Variants in HDAC9 observed in about 807,000 individuals in gnomAD.
HDAC9 encodes MEF-2 interacting transcription repressor (MITR) protein.
HDAC9 carries 41 observed loss-of-function variants against 139.4 expected under a neutral mutation model. The observed-to-expected ratio is 0.29, with a 90% CI of 0.23 to 0.38. The LOEUF is 0.38. HDAC9 is among the 10% of genes least tolerant of loss of function. The pLI is 1.00. For synonymous variants in HDAC9, 517 were observed against 476.2 expected (o/e 1.09, Z -1.12); for missense variants, 1,147 against 1,297.0 (o/e 0.88, Z 1.78).
intron 2 of HDAC9, among the ~76,000 whole-genome samples, chr7:18,207,679 C>G (rs1791635533): frequency 6.6e-6 from 1 of 151,428 alleles, no homozygotes; most frequent in African/African-American, 2.4e-5. Context: ...TACATACTGT[C>G]TCTCATAATT....
chr7:18,403,406 T>C (rs1340873188), intron 1 of HDAC9, among the ~76,000 whole-genome samples: 4 of 152,194 alleles, frequency 2.6e-5, no homozygotes, highest in Non-Finnish European at 5.9e-5. Flanking sequence ...TTTCTTTCCA[T>C]GTACTTCCAT....
chr7:18,836,119 A>G (rs538763551), intron 21 of HDAC9, 122 bp downstream of exon 21: 143 of 578,010 alleles, frequency 2.5e-4, no homozygotes, highest in Non-Finnish European at 3.5e-4. Flanking sequence ...AAAGCCACAT[A>G]AGAATATGTA....
Position 18,425,249 on chromosome 7 carries a change from A to G in HDAC9, c.-41-71013A>G, listed in dbSNP as rs1028698114. On this transcript the variant is annotated intron_variant, in intron 1 of 3. Transcript: ENST00000413509. ...CAAAATTATCATTAACAAAATTATT[A>G]TCGCAGACAATTTCATCCAAGTAGA... 7.9e-5 allele frequency among the ~76,000 whole-genome samples: 12 copies of G among 152,324 alleles called. No individual in the cohort carries two copies. The East Asian group carries it at 2.1e-3, about 27-fold the overall frequency.
chr7:18,765,878 A>G (rs542473920), intron 15 of HDAC9, among the ~76,000 whole-genome samples: 25 of 152,152 alleles, frequency 1.6e-4, no homozygotes, highest in African/African-American at 5.8e-4. Context: ...AATTCTATTG[A>G]CTTCTCATCT....
At chr7:18,300,162 T>G (rs1043313342) in intron 1 of HDAC9, among the ~76,000 whole-genome samples, 1 of 152,056 alleles carries the variant, frequency 6.6e-6, no homozygotes, top group Admixed American at 6.5e-5. Flanking sequence ...TTGTAAACTT[T>G]CCTAAAACAT....
intron 22 of HDAC9, among the ~76,000 whole-genome samples, chr7:18,905,648 T>C (rs1754113254): frequency 6.6e-6 from 1 of 152,228 alleles, no homozygotes; most frequent in African/African-American, 2.4e-5. Context: ...TGCAAGTTTT[T>C]GTGTATGAAA....
At chr7:18,968,220 C>A (rs1316173488) in intron 24 of HDAC9, among the ~76,000 whole-genome samples, 1 of 152,170 alleles carries the variant, frequency 6.6e-6, no homozygotes, top group Non-Finnish European at 1.5e-5. Context: ...TCTCTCTTAG[C>A]TTCCCCTTAT....
chr7:18,292,735 T>C (rs1338651685), intron 1 of HDAC9, among the ~76,000 whole-genome samples: 1 of 152,162 alleles, frequency 6.6e-6, no homozygotes, highest in Non-Finnish European at 1.5e-5. Flanking sequence ...TTTGAGAACA[T>C]GGAGTGCTGT....
At chr7:18,691,786 A>G (rs1325679241) in intron 12 of HDAC9, among the ~76,000 whole-genome samples, 1 of 152,100 alleles carries the variant, frequency 6.6e-6, no homozygotes, top group Non-Finnish European at 1.5e-5. Context: ...TCAAGCTAAC[A>G]TAGACTGCAG....
intron 2 of HDAC9, among the ~76,000 whole-genome samples, chr7:18,180,400 A>T (rs1381564345): frequency 6.6e-6 from 1 of 151,166 alleles, no homozygotes; most frequent in Non-Finnish European, 1.5e-5. Flanking sequence ...TTGTCAAGTG[A>T]TTTTCTTTTT....
At chr7:18,306,647 G>A (rs910042163) in intron 1 of HDAC9, among the ~76,000 whole-genome samples, 4 of 152,214 alleles carry the variant, frequency 2.6e-5, no homozygotes, top group South Asian at 2.1e-4. Flanking sequence ...TTTCTTCAAC[G>A]CCTTTTGATC....
In HDAC9 at chr7:18,421,474, G is replaced by GA. The variant is rs1264788252; in HGVS notation, c.-41-74782dup. 4.7e-5 allele frequency among the ~76,000 whole-genome samples: 7 copies of GA among 149,894 alleles called. No individual in the cohort carries two copies. In the East Asian group the frequency reaches 5.8e-4, roughly 13 times the overall value. On this transcript the variant is annotated intron_variant, in intron 1 of 3. Coordinates refer to the HDAC9 transcript ENST00000413509. ...GGAGAAAGAGAAAGAAAGAAAGAAT[G>GA]AAAAAATGAAAAGAAAGAAAAGGAA...
intron 14 of HDAC9, among the ~76,000 whole-genome samples, chr7:18,760,337 C>T (rs1427394883): frequency 6.6e-6 from 1 of 152,092 alleles, no homozygotes; most frequent in Non-Finnish European, 1.5e-5. Context: ...TTTTCTCATG[C>T]TTATTTAGTC....
chr7:18,604,278 A>C (rs575156244), intron 6 of HDAC9, among the ~76,000 whole-genome samples: 1 of 151,964 alleles, frequency 6.6e-6, no homozygotes, highest in Non-Finnish European at 1.5e-5. Context: ...TTCTTAGAGT[A>C]TTGGGGAATT....
chr7:18,368,363 T>C (rs1444014564), intron 1 of HDAC9, among the ~76,000 whole-genome samples: 2 of 152,058 alleles, frequency 1.3e-5, no homozygotes, highest in Non-Finnish European at 2.9e-5. Flanking sequence ...GTTTTCCATA[T>C]GGTTAGCCAA....
At chr7:18,878,622 A>G (rs1438900910) in intron 22 of HDAC9, among the ~76,000 whole-genome samples, 2 of 152,188 alleles carry the variant, frequency 1.3e-5, no homozygotes, top group Non-Finnish European at 2.9e-5. Flanking sequence ...CCTTCTTGAT[A>G]ACAACTCTAA....
intron 14 of HDAC9, among the ~76,000 whole-genome samples, chr7:18,756,950 G>A (rs1788935145): frequency 6.6e-6 from 1 of 151,984 alleles, no homozygotes; most frequent in Non-Finnish European, 1.5e-5. Context: ...GGAAGATTGT[G>A]CAGTTGCAGG....
intron 1 of HDAC9, among the ~76,000 whole-genome samples, chr7:18,150,385 C>G (rs1786684900): frequency 6.6e-6 from 1 of 152,136 alleles, no homozygotes; most frequent in South Asian, 2.1e-4. Flanking sequence ...TGGTCTGAAA[C>G]TGATGTCCAG....
At chr7:18,930,152 T>C (rs1333438808) in intron 22 of HDAC9, among the ~76,000 whole-genome samples, 4 of 152,112 alleles carry the variant, frequency 2.6e-5, no homozygotes, top group African/African-American at 7.2e-5. Flanking sequence ...TGATGCCCTA[T>C]GTGGTTGTTG....
Sources: allele counts gnomAD v4.1 joint callset (sites outside exome capture counted in the v4.1 genomes callset), GRCh38; gene constraint gnomAD v4.1.1; transcripts MANE v1.5; gene names NCBI Gene and HGNC (gene_info 2026-07-23, HGNC 2026-07-21).